The following IFT74 variants were observed in gnomAD, a reference collection of about 807,000 sequenced individuals.
The protein encoded by IFT74 is intraflagellar transport protein 74 homolog.
In IFT74, 92 loss-of-function variants were observed where a neutral mutation model predicts 96.7. That is an observed-to-expected ratio of 0.95 (90% CI 0.80 to 1.13). The LOEUF (loss-of-function observed/expected upper bound fraction) is 1.13. Among genes scored for constraint, IFT74 ranks in the 50% most tolerant of loss-of-function variants. The probability of loss-of-function intolerance (pLI) is 0.00; values close to 1 mark genes in which losing one functional copy is unlikely to be tolerated. For synonymous variants in IFT74, 223 were observed against 213.2 expected (o/e 1.05, Z -0.40); for missense variants, 811 against 698.2 (o/e 1.16, Z -1.82).
intron 2 of IFT74, among the ~76,000 whole-genome samples, chr9:26,962,537 G>A (rs1826410988): frequency 1.3e-5 from 2 of 152,202 alleles, no homozygotes; most frequent in South Asian, 2.1e-4. Flanking sequence ...AATGATTAAT[G>A]TGTGTTTCAA....
intron 13 of IFT74, chr9:27,036,425 G>C (rs949883049): frequency 8.7e-6 from 14 of 1,610,636 alleles, no homozygotes; most frequent in Non-Finnish European, 1.1e-5. Flanking sequence ...TCAATTCTTT[G>C]TACCCACGGG....
At chr9:27,026,967 A>G (rs1362913382) in intron 12 of IFT74, among the ~76,000 whole-genome samples, 1 of 150,322 alleles carries the variant, frequency 6.7e-6, no homozygotes, top group Non-Finnish European at 1.5e-5. Flanking sequence ...AAAGGAAATT[A>G]CAAACATCAG....
chr9:27,055,625 G>A lies in IFT74; in HGVS notation c.1350G>A (p.Gln450=). The A allele has an allele frequency of 1.3e-6, 2 of 1,578,454 alleles. No individual in the cohort carries two copies. The highest frequency in any genetic ancestry group is 2.0e-5 in the Admixed American group (1 of 51,130). The change falls in exon 17 of 20, where the codon CAG becomes CAA. Residue 450 remains glutamine (Q), a synonymous_variant. Transcript: ENST00000380062. ...QNLTSDIQRL[Q]LDLQKMELLE... ...ATGTTTCAGACATTCAACGTCTGCA[G>A]TTGGATCTGCAGAAAATGGAGCTTC...
intron 18 of IFT74, among the ~76,000 whole-genome samples, chr9:27,059,339 C>T (rs1820308637): frequency 6.6e-6 from 1 of 152,104 alleles, no homozygotes; most frequent in African/African-American, 2.4e-5. Context: ...TAGGGAAAAA[C>T]AGATTTTCAA....
chr9:27,029,885 T>A (rs917955643), intron 13 of IFT74, among the ~76,000 whole-genome samples: 2 of 152,044 alleles, frequency 1.3e-5, no homozygotes, highest in Non-Finnish European at 2.9e-5. Flanking sequence ...CCCACCCAGG[T>A]CTAGTAATGA....
In IFT74 at chr9:27,063,318, A is replaced by AT. The variant is rs1467869389; in HGVS notation, c.*588dup. On this transcript the variant is annotated 3_prime_UTR_variant, in exon 20 of 20. Coordinates refer to ENST00000380062, the MANE Select transcript of IFT74 (RefSeq NM_025103.4). ...TTTTAATCTTTGCAATTCTTAAAAT[A>AT]TTTTTTCACATATATATACCTGGAA... Among the ~76,000 whole-genome samples the AT allele has an allele frequency of 2.0e-5, 3 of 152,166 alleles. No individual in the cohort carries two copies. Among genetic ancestry groups the AT allele is most frequent in the Non-Finnish European group, 4.4e-5 (3 of 68,010 alleles).
At chr9:27,054,745 G>C (rs763512006) in intron 16 of IFT74, among the ~76,000 whole-genome samples, 4 of 152,118 alleles carry the variant, frequency 2.6e-5, no homozygotes, top group Non-Finnish European at 5.9e-5. Flanking sequence ...AGTTGAAAAA[G>C]GCAACACTCT....
chr9:26,964,315 T>G (rs1224076675), intron 2 of IFT74, among the ~76,000 whole-genome samples: 5 of 149,436 alleles, frequency 3.3e-5, no homozygotes, highest in African/African-American at 1.2e-4. Flanking sequence ...TCTGTTCCAT[T>G]GATCTATATC....
chr9:26,990,280 T>C, intron 8 of IFT74, 85 bp downstream of exon 8: 1 of 670,622 alleles, frequency 1.5e-6, no homozygotes, highest in Non-Finnish European at 2.3e-6. Flanking sequence ...TCCTTGTAAA[T>C]TTTCTTAACA....
intron 11 of IFT74, among the ~76,000 whole-genome samples, chr9:27,017,796 G>C (rs1829419485): frequency 6.6e-6 from 1 of 152,058 alleles, no homozygotes; most frequent in African/African-American, 2.4e-5. Context: ...GTATTTAGTA[G>C]CTTTCTTACT....
chr9:26,978,032 TTTG>T (rs1318236270), intron 2 of IFT74, 93 bp from the exon 3 acceptor site: 37 of 996,692 alleles, frequency 3.7e-5, no homozygotes, highest in Non-Finnish European at 4.8e-5. Context: ...CAAGTAGAAT[TTTG>T]TTTTTTTAAA....
rs970542363 is a variant in IFT74 at position 27,065,297 on chromosome 9, C to T, written c.*2561C>T. Among the ~76,000 whole-genome samples the T allele has an allele frequency of 4.1e-4, 63 of 152,260 alleles. No homozygotes were observed. Among genetic ancestry groups the T allele is most frequent in the African/African-American group, 1.4e-3 (57 of 41,550 alleles). ...TTCCTCTGAGAGCCTTTCCACAAAT[C>T]CAACAAGAATATTCTCTTTACTGGG... On this transcript the variant is annotated 3_prime_UTR_variant, in exon 20 of 20. Coordinates refer to ENST00000380062, the MANE Select transcript of IFT74 (RefSeq NM_025103.4).
chr9:26,948,448 A>ATTATTATTATTATTTT (rs1825819541), intron 1 of IFT74, among the ~76,000 whole-genome samples: 4 of 59,162 alleles, frequency 6.8e-5, no homozygotes, highest in Admixed American at 2.0e-4. Context: ...GCTTTCCATT[A>ATTATTATTATTATTTT]TTTTTTTTTT....
chr9:26,962,053 G>T lies in IFT74; in HGVS notation c.86G>T (p.Arg29Leu). Residue 29 changes from arginine (R) to leucine (L), a missense_variant, in exon 2 of 20, where the codon CGA becomes CTA. Arg to Leu is a moderately radical substitution (Grantham distance 102). Transcript: ENST00000380062. ...GLTGRPPSGIRPLSGNIRVAT... is the reference protein window; with the variant it reads ...GLTGRPPSGILPLSGNIRVAT... Reference sequence around the variant, plus strand: ...ACAGGAAGGCCTCCTTCTGGGATACGACCCCTATCAGGAAATATTCGAGTG... The same window carrying T: ...ACAGGAAGGCCTCCTTCTGGGATACTACCCCTATCAGGAAATATTCGAGTG... 6.2e-7 allele frequency: 1 copy of T among 1,614,124 alleles called. No homozygotes were observed. Among genetic ancestry groups the T allele is most frequent in the South Asian group, 1.1e-5 (1 of 91,082 alleles).
intron 13 of IFT74, chr9:27,036,670 T>A (rs1024450730): frequency 1.5e-6 from 2 of 1,344,876 alleles, no homozygotes; most frequent in Admixed American, 3.6e-5. Flanking sequence ...TTGTGTTCAC[T>A]CTTTGCTTCT....
chr9:27,059,764 C>A (rs1820334149), intron 18 of IFT74, among the ~76,000 whole-genome samples: 2 of 152,150 alleles, frequency 1.3e-5, no homozygotes, highest in South Asian at 4.1e-4. Context: ...TGAATTTACG[C>A]CCTGAAAATT....
At chr9:27,026,855 G>A (rs892539572) in intron 12 of IFT74, among the ~76,000 whole-genome samples, 10 of 152,060 alleles carry the variant, frequency 6.6e-5, no homozygotes, top group Non-Finnish European at 1.3e-4. Context: ...AGCATTAAGT[G>A]CCTACATCAA....
intron 6 of IFT74, among the ~76,000 whole-genome samples, chr9:26,985,329 A>G (rs1827586448): frequency 6.6e-6 from 1 of 152,134 alleles, no homozygotes; most frequent in African/African-American, 2.4e-5. Flanking sequence ...GATCAGAAAA[A>G]ATAACTAATG....
At chr9:27,053,110 G>A (rs1273738888) in intron 16 of IFT74, among the ~76,000 whole-genome samples, 2 of 145,586 alleles carry the variant, frequency 1.4e-5, no homozygotes, top group Non-Finnish European at 3.0e-5. Flanking sequence ...TGATCCGCCC[G>A]CCTCGGCCTC....
Sources: gnomAD v4.1 joint callset for allele counts (sites outside exome capture counted in the v4.1 genomes callset) on GRCh38, gnomAD v4.1.1 for gene constraint, MANE v1.5 for transcripts, NCBI Gene and HGNC (gene_info 2026-07-23, HGNC 2026-07-21) for gene names.